The following NELL1 variants were observed in gnomAD, a reference collection of about 807,000 sequenced individuals.
NELL1 encodes neural EGFL like 1.
In NELL1, 76 loss-of-function variants were observed where a neutral mutation model predicts 107.4. That is an observed-to-expected ratio of 0.71 (90% CI 0.59 to 0.86). NELL1 has a LOEUF of 0.86. Among genes scored for constraint, NELL1 ranks in the 40% least tolerant of loss-of-function variants. The pLI, the probability that NELL1 is intolerant of heterozygous loss-of-function variation, is 0.00. For synonymous variants in NELL1, 353 were observed against 341.2 expected (o/e 1.03, Z -0.38); for missense variants, 1,024 against 1,005.5 (o/e 1.02, Z -0.25).
intron 2 of NELL1, among the ~76,000 whole-genome samples, chr11:20,748,618 C>G (rs548215368): frequency 5.9e-4 from 89 of 152,136 alleles, no homozygotes; most frequent in African/African-American, 2.0e-3. Flanking sequence ...CCTTTGCATA[C>G]CCATAGCTTA....
chr11:21,476,058 C>A (rs1191666297), intron 15 of NELL1, among the ~76,000 whole-genome samples: 1 of 152,116 alleles, frequency 6.6e-6, no homozygotes. Flanking sequence ...CATAATTTTT[C>A]TTCAATTGAA....
intron 14 of NELL1, among the ~76,000 whole-genome samples, chr11:21,273,294 A>G (rs1042107967): frequency 1.3e-5 from 2 of 152,222 alleles, no homozygotes; most frequent in African/African-American, 4.8e-5. Context: ...ACTGCAAGAA[A>G]GGGTATCAGT....
chr11:20,975,676 ATATGTATTATATAATG>A (rs1427111978), intron 12 of NELL1, among the ~76,000 whole-genome samples: 2 of 117,434 alleles, frequency 1.7e-5, no homozygotes, highest in East Asian at 2.7e-4. Context: ...TACATATTAT[ATATGTATTATATAATG>A]TATGTATTAT....
chr11:21,549,414 A>G (rs1013485418), intron 16 of NELL1, among the ~76,000 whole-genome samples: 2 of 152,056 alleles, frequency 1.3e-5, no homozygotes, highest in African/African-American at 4.8e-5. Flanking sequence ...ATAGCAAACC[A>G]TCTGCAGGTT....
intron 13 of NELL1, among the ~76,000 whole-genome samples, chr11:21,178,835 G>T (rs757530105): frequency 2.6e-5 from 4 of 151,672 alleles, no homozygotes; most frequent in African/African-American, 9.7e-5. Flanking sequence ...CAACTTAAAG[G>T]ATATTTTTGA....
intron 13 of NELL1, among the ~76,000 whole-genome samples, chr11:21,201,179 T>C (rs1221640344): frequency 1.3e-5 from 2 of 152,226 alleles, no homozygotes; most frequent in Non-Finnish European, 2.9e-5. Context: ...AAGTCAATGA[T>C]AGCTTGATGG....
chr11:21,395,875 G>T (rs2156807), intron 15 of NELL1, among the ~76,000 whole-genome samples: 66,294 of 150,938 alleles, frequency 0.44, 15,965 homozygotes, highest in Admixed American at 0.55. Flanking sequence ...TCAACCAAGT[G>T]TGAGAATTTA....
chr11:20,807,858 G>A (rs1275650487), intron 3 of NELL1, among the ~76,000 whole-genome samples: 1 of 152,146 alleles, frequency 6.6e-6, no homozygotes, highest in African/African-American at 2.4e-5. Context: ...GTAGTGCCAG[G>A]CTACCACTGA....
chr11:21,002,690 A>C (rs1300939250), intron 12 of NELL1, among the ~76,000 whole-genome samples: 1 of 152,154 alleles, frequency 6.6e-6, no homozygotes, highest in Non-Finnish European at 1.5e-5. Flanking sequence ...TACTGAGAGA[A>C]TTGCCTCATG....
chr11:21,566,575 A>T (rs898844774), intron 17 of NELL1, among the ~76,000 whole-genome samples: 2 of 151,930 alleles, frequency 1.3e-5, no homozygotes, highest in Non-Finnish European at 2.9e-5. Flanking sequence ...GCATCAAAAC[A>T]GCTTCTGTGG....
Position 21,470,389 on chromosome 11 carries a change from C to G in NELL1, c.1646-63985C>G, listed in dbSNP as rs187459829. Among the ~76,000 whole-genome samples, 473 of 152,138 alleles carry G rather than the reference C, an allele frequency of 3.1e-3. 5 individuals are homozygous for G. Among genetic ancestry groups the G allele is most frequent in the Non-Finnish European group, 4.7e-3 (320 of 67,970 alleles). The stretch of plus-strand genomic sequence containing the variant: ...TATCCAATATCATTTCTTGCCTTCT[C>G]TTACCTTAAATTTGTATTTCACCAT... On this transcript the variant is annotated intron_variant, in intron 15 of 19. Coordinates refer to ENST00000357134, the MANE Select transcript of NELL1 (RefSeq NM_006157.5).
chr11:21,205,785 G>C (rs1409013998), intron 13 of NELL1, among the ~76,000 whole-genome samples: 1 of 152,156 alleles, frequency 6.6e-6, no homozygotes, highest in Non-Finnish European at 1.5e-5. Context: ...TGGGGAAATG[G>C]GGGCTCAGAT....
intron 15 of NELL1, among the ~76,000 whole-genome samples, chr11:21,415,150 A>G (rs1370350512): frequency 6.6e-6 from 1 of 152,112 alleles, no homozygotes; most frequent in Non-Finnish European, 1.5e-5. Context: ...AACTTGTCTG[A>G]GAAACTCTTA....
At chr11:21,336,080 G>T (rs1197879214) in intron 14 of NELL1, among the ~76,000 whole-genome samples, 3 of 151,858 alleles carry the variant, frequency 2.0e-5, no homozygotes, top group African/African-American at 7.3e-5. Context: ...TACAACCTTA[G>T]TTTATTATAA....
At chr11:20,945,786 G>A (rs1850949592) in intron 10 of NELL1, among the ~76,000 whole-genome samples, 1 of 152,098 alleles carries the variant, frequency 6.6e-6, no homozygotes, top group Non-Finnish European at 1.5e-5. Context: ...AATTTTTGAG[G>A]TTAGATACCA....
intron 14 of NELL1, among the ~76,000 whole-genome samples, chr11:21,292,704 ACAT>A (rs1281135753): frequency 2.0e-5 from 3 of 152,190 alleles, no homozygotes; most frequent in Non-Finnish European, 1.5e-5. Context: ...AGTAACCAAA[ACAT>A]CATGGTACTG....
chr11:21,380,276 G>T (rs1851579520), intron 15 of NELL1, among the ~76,000 whole-genome samples: 1 of 152,030 alleles, frequency 6.6e-6, no homozygotes, highest in Non-Finnish European at 1.5e-5. Flanking sequence ...AGGTTTCTCT[G>T]CATTGCCCAT....
intron 15 of NELL1, among the ~76,000 whole-genome samples, chr11:21,439,794 T>A (rs1853231613): frequency 1.3e-5 from 2 of 152,102 alleles, no homozygotes; most frequent in African/African-American, 4.8e-5. Context: ...TTTTACTAGA[T>A]CTTATCTTCC....
chr11:21,053,484 T>TA, intron 12 of NELL1, among the ~76,000 whole-genome samples: 1 of 152,250 alleles, frequency 6.6e-6, no homozygotes, highest in South Asian at 2.1e-4. Flanking sequence ...ATTGCACTCT[T>TA]ACAGCTTTGA....
Sources: gnomAD v4.1 joint callset for allele counts (sites outside exome capture counted in the v4.1 genomes callset) on GRCh38, gnomAD v4.1.1 for gene constraint, MANE v1.5 for transcripts, NCBI Gene and HGNC (gene_info 2026-07-23, HGNC 2026-07-21) for gene names.